PDE2A: variants seen among roughly 807,000 people sequenced by gnomAD.
PDE2A encodes the protein cGMP-dependent 3',5'-cyclic phosphodiesterase.
A neutral mutation model predicts 133.6 loss-of-function variants in PDE2A; 53 were observed. The observed-to-expected ratio is 0.40, with a 90% CI of 0.32 to 0.50. PDE2A has a LOEUF of 0.50. PDE2A is among the 20% of genes least tolerant of loss of function. The probability of loss-of-function intolerance (pLI) is 0.73; values close to 1 mark genes in which losing one functional copy is unlikely to be tolerated. For synonymous variants in PDE2A, 491 were observed against 490.2 expected (o/e 1.00, Z -0.02); for missense variants, 796 against 1,232.4 (o/e 0.65, Z 5.30).
intron 4 of PDE2A, among the ~76,000 whole-genome samples, chr11:72,599,814 G>A (rs907370962): frequency 1.3e-5 from 2 of 152,216 alleles, no homozygotes; most frequent in Non-Finnish European, 2.9e-5. Context: ...ACTTGAGGAG[G>A]CCAAGAACAC....
intron 2 of PDE2A, among the ~76,000 whole-genome samples, chr11:72,609,584 G>A (rs566602908): frequency 4.9e-4 from 74 of 152,250 alleles, no homozygotes; most frequent in African/African-American, 1.4e-3. Context: ...TTGCAGAGCC[G>A]GAACGGAGAC....
chr11:72,599,613 A>T (rs914744329), intron 4 of PDE2A, among the ~76,000 whole-genome samples: 2 of 152,146 alleles, frequency 1.3e-5, no homozygotes, highest in Non-Finnish European at 2.9e-5. Context: ...ACCCTGAAGC[A>T]GCCTCTCCCC....
chr11:72,651,178 C>G (rs1591129959), intron 1 of PDE2A, among the ~76,000 whole-genome samples: 1 of 152,174 alleles, frequency 6.6e-6, no homozygotes, highest in Non-Finnish European at 1.5e-5. Flanking sequence ...AATGCGAGAA[C>G]CTGGGGTCTT....
Position 72,631,129 on chromosome 11 carries a change from G to A in PDE2A, c.144+11125C>T, listed in dbSNP as rs1256860040. ...GGGGTCCTGGCTCCTTTGCAAGGGG[G>A]TCCAGGCTGGCTGCAGAGACAAGAA... is the stretch of plus-strand genomic sequence containing the variant. On this transcript the variant is annotated intron_variant, in intron 2 of 30. Coordinates refer to ENST00000334456, the MANE Select transcript of PDE2A (RefSeq NM_002599.5). 8 of 1,546,664 alleles carry A rather than the reference G, an allele frequency of 5.2e-6. No homozygotes were observed. In the African/African-American group the frequency reaches 6.9e-5, roughly 13 times the overall value.
intron 1 of PDE2A, among the ~76,000 whole-genome samples, chr11:72,653,668 G>A (rs1343110315): frequency 6.6e-6 from 1 of 152,176 alleles, no homozygotes. Flanking sequence ...CAGCAGTGGG[G>A]CAAAACGGCA....
chr11:72,662,695 G>T (rs1036123648), intron 1 of PDE2A, among the ~76,000 whole-genome samples: 15 of 152,280 alleles, frequency 9.9e-5, no homozygotes, highest in African/African-American at 3.6e-4. Flanking sequence ...CTTAGCTCAG[G>T]CAGGTGAGCC....
intron 2 of PDE2A, among the ~76,000 whole-genome samples, chr11:72,630,240 C>T (rs563331246): frequency 4.6e-5 from 7 of 152,110 alleles, no homozygotes; most frequent in East Asian, 1.9e-4. Flanking sequence ...AGCACAGTCC[C>T]GAGGCTCAAA....
chr11:72,590,689 G>A lies in PDE2A; in HGVS notation c.550-109C>T. Reference sequence around the variant, plus strand: ...CGTTCCCTCTGCCTGCCGGGCCCAGGGACCCCGCCGCCGTCCCAAACACCT... The same window carrying A: ...CGTTCCCTCTGCCTGCCGGGCCCAGAGACCCCGCCGCCGTCCCAAACACCT... On this transcript the variant is annotated intron_variant, in intron 7 of 30. Coordinates refer to ENST00000334456, the MANE Select transcript of PDE2A (RefSeq NM_002599.5). The surrounding 1 kb of genome is among the most constrained non-coding windows in gnomAD (Gnocchi z 4.8). The A allele has an allele frequency of 2.8e-6, 3 of 1,055,930 alleles. No homozygotes were observed. Among genetic ancestry groups the A allele is most frequent in the Non-Finnish European group, 3.8e-6 (3 of 794,692 alleles). 65.4% of individuals were successfully genotyped at this position (1,055,930 alleles called of 1,614,324 possible).
intron 1 of PDE2A, among the ~76,000 whole-genome samples, chr11:72,661,514 T>C (rs936735516): frequency 4.6e-5 from 7 of 152,070 alleles, no homozygotes; most frequent in South Asian, 4.2e-4. Flanking sequence ...CAGAAACTCA[T>C]TGGAAAACAG....
chr11:72,579,507 T>TGCCCCCCCCCCCCCC, intron 26 of PDE2A, 27 bp downstream of exon 26: 3 of 1,354,168 alleles, frequency 2.2e-6, no homozygotes, highest in Non-Finnish European at 3.1e-6. Context: ...TCCCCCTCAA[T>TGCCCCCCCCCCCCCC]CCCCACCCCA....
chr11:72,609,111 A>C (rs1453101193), intron 2 of PDE2A, among the ~76,000 whole-genome samples: 2 of 152,174 alleles, frequency 1.3e-5, no homozygotes, highest in Non-Finnish European at 2.9e-5. Context: ...CAAAACAAGC[A>C]AACAAAAAAA....
chr11:72,668,118 A>T (rs1276066736), intron 1 of PDE2A, among the ~76,000 whole-genome samples: 1 of 152,106 alleles, frequency 6.6e-6, no homozygotes, highest in Non-Finnish European at 1.5e-5. Context: ...CAAAGTCCAA[A>T]CTCTCAGCCT....
intron 3 of PDE2A, among the ~76,000 whole-genome samples, chr11:72,606,399 T>C (rs1856973733): frequency 6.6e-6 from 1 of 152,186 alleles, no homozygotes; most frequent in Non-Finnish European, 1.5e-5. Context: ...AGCAGTTGCC[T>C]TCCATGACTC....
chr11:72,598,868 C>A, intron 4 of PDE2A: 1 of 985,422 alleles, frequency 1.0e-6, no homozygotes, highest in Non-Finnish European at 1.2e-6. Flanking sequence ...ACCTTCCAGC[C>A]CCTACACCCA....
At chr11:72,636,981 G>A (rs937320622) in intron 2 of PDE2A, among the ~76,000 whole-genome samples, 13 of 152,120 alleles carry the variant, frequency 8.5e-5, no homozygotes, top group Admixed American at 2.0e-4. Context: ...CCATCCCCCC[G>A]GACCCAGCCG....
chr11:72,638,815 C>T (rs1418405887), intron 2 of PDE2A, among the ~76,000 whole-genome samples: 2 of 152,148 alleles, frequency 1.3e-5, no homozygotes, highest in Non-Finnish European at 2.9e-5. Flanking sequence ...AAAAAGGTAC[C>T]GTGAAAGCTT....
At chr11:72,589,885 T>C (rs749137943) in intron 10 of PDE2A, 22 bp downstream of exon 10, 21 of 1,611,088 alleles carry the variant, frequency 1.3e-5, no homozygotes, top group East Asian at 4.5e-5. Flanking sequence ...GCCCCCGCTC[T>C]ACAGTGGACC....
In PDE2A at chr11:72,605,236, A is replaced by G; in HGVS notation, c.235-10T>C. 1 of 1,589,878 alleles carries G rather than the reference A, an allele frequency of 6.3e-7. No homozygotes were observed. The highest frequency in any genetic ancestry group is 8.6e-7 in the Non-Finnish European group (1 of 1,163,368). On this transcript the variant is annotated splice_polypyrimidine_tract_variant and intron_variant, in intron 3 of 30. Coordinates refer to ENST00000334456, the MANE Select transcript of PDE2A (RefSeq NM_002599.5). ...AGGTGTAGACAGTTTCCTAGGACAG[A>G]AGGCACTTATGAGACCCTGTGGAGA...
chr11:72,597,608 A>C lies in PDE2A; in HGVS notation c.335T>G (p.Ile112Ser). Reference sequence around the variant, plus strand: ...ATTGCAGCCCAGCCGCTTCTGGGAGATGATAGCCTCCCTGAAAAGAGGACA... The same window carrying C: ...ATTGCAGCCCAGCCGCTTCTGGGAGCTGATAGCCTCCCTGAAAAGAGGACA... ...PQEGKVREAI[I>S]SQKRLGCNGL... The change falls in exon 5 of 31, where the codon ATC (isoleucine) becomes AGC (serine). Residue 112 changes from isoleucine (I) to serine (S), a missense_variant. Physicochemically the swap from Ile to Ser is moderately radical, Grantham distance 142 (BLOSUM62 -2). Around this residue, in one of 7 missense-constraint regions of PDE2A, gnomAD observed 417 missense variants for 475.3 expected, o/e 0.88. Coordinates refer to ENST00000334456, the MANE Select transcript of PDE2A (RefSeq NM_002599.5). The surrounding 1 kb of genome is among the most constrained non-coding windows in gnomAD (Gnocchi z 4.6). The C allele has an allele frequency of 6.2e-7, 1 of 1,610,372 alleles. No homozygotes were observed. The highest frequency in any genetic ancestry group is 8.5e-7 in the Non-Finnish European group (1 of 1,177,430).
Sources: gnomAD v4.1 joint callset for allele counts (sites outside exome capture counted in the v4.1 genomes callset) on GRCh38, gnomAD v4.1.1 for gene constraint, gnomAD v4.1.1 regional missense constraint, Gnocchi (gnomAD v3.1) non-coding constraint, MANE v1.5 for transcripts, NCBI Gene and HGNC (gene_info 2026-07-23, HGNC 2026-07-21) for gene names.